TMEM192: variants seen among roughly 807,000 people sequenced by gnomAD.
TMEM192 encodes the protein transmembrane protein 192.
A neutral mutation model predicts 26.7 loss-of-function variants in TMEM192; 20 were observed. That is an observed-to-expected ratio of 0.75 (90% CI 0.53 to 1.09). The LOEUF is 1.09. Ranked by LOEUF, TMEM192 falls within the 50% of genes least tolerant of loss-of-function variation. The probability of loss-of-function intolerance (pLI) is 0.00; values close to 1 mark genes in which losing one functional copy is unlikely to be tolerated. For missense variants in TMEM192, 304 were observed against 322.6 expected, an observed-to-expected ratio of 0.94 and a Z score of 0.44; for synonymous variants, 124 against 121.0, an observed-to-expected ratio of 1.02 and a Z score of -0.16.
At chr4:165,099,015 T>G (rs906947179) in intron 3 of TMEM192, among the ~76,000 whole-genome samples, 1 of 151,742 alleles carries the variant, frequency 6.6e-6, no homozygotes, top group African/African-American at 2.4e-5. Flanking sequence ...ATTCAAAAAT[T>G]TTTAAGATTT....
In TMEM192 at chr4:165,071,325, CT is replaced by C. The variant is rs35516858; in HGVS notation, c.*8332del. On this transcript the variant is annotated 3_prime_UTR_variant, in exon 6 of 6. Transcript: ENST00000306480. ...TTTGGGGGGGGGACGGATTCTCACTCTTGTCACCCAGGCTGGAGTACAGCTG... is the reference window on the plus strand; with the variant it reads ...TTTGGGGGGGGGACGGATTCTCACTCTGTCACCCAGGCTGGAGTACAGCTG... The C allele has an allele frequency of 0.12, 17,584 of 149,536 alleles. 1,174 individuals carry two copies. The highest frequency in any genetic ancestry group is 0.17 in the African/African-American group (6,925 of 39,860). 9.3% of individuals were successfully genotyped at this position (149,536 alleles called of 1,614,324 possible). A position where few individuals can be genotyped will look rare whatever the true frequency, so the allele number is the denominator to read the frequency against.
chr4:165,093,601 A>C (rs1364686416), intron 3 of TMEM192, among the ~76,000 whole-genome samples: 1 of 152,172 alleles, frequency 6.6e-6, no homozygotes, highest in South Asian at 2.1e-4. Context: ...CCCTCCTTGA[A>C]GAAGACCACC....
chr4:165,105,168 C>T (rs1356002338), intron 1 of TMEM192, among the ~76,000 whole-genome samples: 1 of 152,174 alleles, frequency 6.6e-6, no homozygotes, highest in Non-Finnish European at 1.5e-5. Context: ...TCATTGGACC[C>T]ATTACCTTTA....
chr4:165,096,518 G>A (rs975960418), intron 3 of TMEM192, among the ~76,000 whole-genome samples: 4 of 151,694 alleles, frequency 2.6e-5, no homozygotes, highest in Non-Finnish European at 1.5e-5. Flanking sequence ...TCCACCCAAA[G>A]GTAAATAATT....
chr4:165,094,314 G>A (rs1028243569), intron 3 of TMEM192, among the ~76,000 whole-genome samples: 2 of 152,148 alleles, frequency 1.3e-5, no homozygotes, highest in Non-Finnish European at 2.9e-5. Flanking sequence ...TGGGATTACA[G>A]GTGTGAGCCA....
intron 3 of TMEM192, among the ~76,000 whole-genome samples, chr4:165,089,525 G>A (rs6819226): frequency 0.037 from 5,640 of 152,122 alleles, 341 homozygotes; most frequent in African/African-American, 0.13. Context: ...GGGTTTCACC[G>A]TGTTAGCCAG....
intron 5 of TMEM192, among the ~76,000 whole-genome samples, chr4:165,080,441 T>C (rs939539641): frequency 6.6e-6 from 1 of 152,160 alleles, no homozygotes; most frequent in African/African-American, 2.4e-5. Context: ...GGAATAGTGA[T>C]GATGATAATG....
At chr4:165,104,263 T>G (rs911781971) in intron 1 of TMEM192, among the ~76,000 whole-genome samples, 1 of 152,236 alleles carries the variant, frequency 6.6e-6, no homozygotes, top group Non-Finnish European at 1.5e-5. Context: ...ATGAAAAGCA[T>G]AGAAGACAAT....
chr4:165,109,933 C>T (rs1297958214), intron 1 of TMEM192, among the ~76,000 whole-genome samples: 1 of 152,170 alleles, frequency 6.6e-6, no homozygotes, highest in Non-Finnish European at 1.5e-5. Context: ...CCATAATATT[C>T]ATTTGGAATA....
rs540535423 is a variant in TMEM192, at chr4:165,074,442, A to G, written c.*5216T>C. ...GATGTGAGTTTTGTATTCAAGATTT[A>G]TTTATTTATTTATTTATTTATTGAG... On this transcript the variant is annotated 3_prime_UTR_variant, in exon 6 of 6. Coordinates refer to ENST00000306480, the MANE Select transcript of TMEM192 (RefSeq NM_001100389.2). The G allele has an allele frequency of 1.3e-5, 2 of 151,996 alleles. No homozygotes were observed. Among genetic ancestry groups the G allele is most frequent in the African/African-American group, 4.8e-5 (2 of 41,480 alleles). 9.4% of individuals were successfully genotyped at this position (151,996 alleles called of 1,614,324 possible).
At position 165,079,750 on chromosome 4, in the gene TMEM192, T is replaced by C. The variant is rs1560924618; in HGVS notation, c.724A>G (p.Ile242Val). ...GCATTGTGTCGCTTCAGGTATTCAA[T>C]GGTGTCTCCTTGCTTTTCAACAATT... ...EEIVEKQGDT[I>V]EYLKRHNALL... Residue 242 changes from isoleucine to valine, a missense_variant, in exon 6 of 6, where the codon ATT becomes GTT. By Grantham distance (29) the Ile-to-Val change is conservative. Coordinates refer to ENST00000306480, the MANE Select transcript of TMEM192 (RefSeq NM_001100389.2). 3 of 1,614,142 alleles carry C rather than the reference T, an allele frequency of 1.9e-6. No homozygotes were observed. Among genetic ancestry groups the C allele is most frequent in the Non-Finnish European group, 2.5e-6 (3 of 1,179,996 alleles).
intron 1 of TMEM192, among the ~76,000 whole-genome samples, chr4:165,107,763 G>A (rs1340179013): frequency 1.3e-5 from 2 of 152,090 alleles, no homozygotes; most frequent in African/African-American, 2.4e-5. Context: ...CCTGTCAAAT[G>A]CTTGTCCCAG....
chr4:165,102,784 C>CT (rs11315804), intron 2 of TMEM192, among the ~76,000 whole-genome samples, 166 bp downstream of exon 2: 62,715 of 130,624 alleles, frequency 0.48, 15,950 homozygotes, highest in East Asian at 0.57. Flanking sequence ...AGTGTACGTA[C>CT]TTTTTTTTTT....
Position 165,085,251 on chromosome 4 carries a change from C to A in TMEM192, c.677+335G>T, listed in dbSNP as rs564966108. Reference sequence around the variant, plus strand: ...TCATGCCACTGCACTCCAGCCTGGGCAACAAGAGCAAAACTCCATCTCAAA... The same window carrying A: ...TCATGCCACTGCACTCCAGCCTGGGAAACAAGAGCAAAACTCCATCTCAAA... On this transcript the variant is annotated intron_variant, in intron 5 of 5. Transcript: ENST00000306480. Among the ~76,000 whole-genome samples, 82 of 112,430 alleles carry A rather than the reference C, an allele frequency of 7.3e-4. 1 individual carries two copies. The South Asian group carries it at 0.022, about 30-fold the overall frequency. The allele number at this position is 112,430 out of a possible 152,430, so 73.8% of individuals were successfully genotyped here.
Position 165,076,201 on chromosome 4 carries a change from T to C in TMEM192, c.*3457A>G, listed in dbSNP as rs1237059884. 6.6e-6 allele frequency: 1 copy of C among 152,214 alleles called. No individual in the cohort carries two copies. Among genetic ancestry groups the C allele is most frequent in the Non-Finnish European group, 1.5e-5 (1 of 68,034 alleles). 9.4% of individuals were successfully genotyped at this position (152,214 alleles called of 1,614,324 possible). ...TTTGGAATACATATACATACATATA[T>C]ACCTATATCTATCTATATACCTATA... On this transcript the variant is annotated 3_prime_UTR_variant, in exon 6 of 6. Transcript: ENST00000306480.
chr4:165,094,280 G>A (rs1424814791), intron 3 of TMEM192, among the ~76,000 whole-genome samples: 6 of 151,908 alleles, frequency 3.9e-5, no homozygotes, highest in African/African-American at 7.2e-5. Flanking sequence ...CAAGTGACCC[G>A]CCTGCCTTAG....
chr4:165,089,023 AG>A (rs1734690006), intron 3 of TMEM192, among the ~76,000 whole-genome samples: 3 of 140,614 alleles, frequency 2.1e-5, no homozygotes, highest in South Asian at 5.1e-4. Context: ...CCTGGGCAAC[AG>A]AGCAAGACCC....
intron 3 of TMEM192, among the ~76,000 whole-genome samples, chr4:165,098,066 C>T (rs1387011266): frequency 3.3e-5 from 5 of 151,876 alleles, no homozygotes; most frequent in Non-Finnish European, 5.9e-5. Context: ...AGTGATCCTC[C>T]CGCCTCAGCC....
At chr4:165,081,080 A>T (rs1734507988) in intron 5 of TMEM192, among the ~76,000 whole-genome samples, 1 of 152,182 alleles carries the variant, frequency 6.6e-6, no homozygotes, top group African/African-American at 2.4e-5. Context: ...TTATAAGTAT[A>T]TTCGGAAAAA....
Sources: allele counts gnomAD v4.1 joint callset (sites outside exome capture counted in the v4.1 genomes callset), GRCh38; gene constraint gnomAD v4.1.1; transcripts MANE v1.5; gene names NCBI Gene and HGNC (gene_info 2026-07-23, HGNC 2026-07-21).